The following PKHD1 variants were observed in gnomAD, a reference collection of about 807,000 sequenced individuals.
The protein encoded by PKHD1 is fibrocystin.
A neutral mutation model predicts 412.0 loss-of-function variants in PKHD1; 291 were observed. The ratio of observed to expected loss-of-function variants is 0.71; its 90% confidence interval spans 0.64 to 0.78. PKHD1 has a LOEUF of 0.78. Among genes scored for constraint, PKHD1 ranks in the 30% least tolerant of loss-of-function variants. The pLI is 0.00. For missense variants in PKHD1, 4,825 were observed against 4,950.7 expected, an observed-to-expected ratio of 0.97 and a Z score of 0.76; for synonymous variants, 1,777 against 1,821.5, an observed-to-expected ratio of 0.98 and a Z score of 0.62.
At chr6:51,860,096 T>C (rs1370930675) in intron 48 of PKHD1, among the ~76,000 whole-genome samples, 3 of 152,242 alleles carry the variant, frequency 2.0e-5, no homozygotes, top group African/African-American at 7.2e-5. Flanking sequence ...TAGGCACTCA[T>C]GTGCAGCACC....
At chr6:51,912,606 A>C (rs1394707091) in intron 37 of PKHD1, 30 bp from the exon 38 acceptor site, 1 of 1,419,192 alleles carries the variant, frequency 7.0e-7, no homozygotes. Flanking sequence ...AGTTGTCCAG[A>C]TAATTTAATC....
intron 52 of PKHD1, among the ~76,000 whole-genome samples, chr6:51,806,669 G>T (rs975755521): frequency 3.3e-5 from 5 of 150,500 alleles, no homozygotes; most frequent in African/African-American, 1.2e-4. Context: ...AGAATGAGAA[G>T]AATCGTTATC....
chr6:51,825,793 A>G (rs928876544), intron 52 of PKHD1, among the ~76,000 whole-genome samples: 1 of 152,188 alleles, frequency 6.6e-6, no homozygotes, highest in Non-Finnish European at 1.5e-5. Flanking sequence ...TTCTGATGCC[A>G]CACATTACAA....
At chr6:51,918,762 A>G (rs1248846773) in intron 37 of PKHD1, among the ~76,000 whole-genome samples, 5 of 152,166 alleles carry the variant, frequency 3.3e-5, no homozygotes, top group Non-Finnish European at 5.9e-5. Context: ...TCCTTGAGGA[A>G]TCACCACACT....
chr6:52,065,166 T>TAGAGAGAG (rs1244491200), intron 12 of PKHD1, 116 bp from the exon 13 acceptor site: 542 of 49,896 alleles, frequency 0.011, 4 homozygotes, highest in Non-Finnish European at 0.015. Flanking sequence ...TATATATATA[T>TAGAGAGAG]ATAGAGAGAG....
intron 43 of PKHD1, among the ~76,000 whole-genome samples, chr6:51,897,576 C>A (rs1562563317): frequency 7.0e-6 from 1 of 143,520 alleles, no homozygotes; most frequent in Non-Finnish European, 1.5e-5. Context: ...AATGTAAAGA[C>A]CATTGAGACT....
rs192502218 is a variant in PKHD1 at position 51,865,562 on chromosome 6, G to A, written c.7733+2301C>T. ...TTGGTTCTTAGCAGAACAGGAAGAG[G>A]ATGTCTTGTTTATGCAGCTATGTAA... On this transcript the variant is annotated intron_variant, in intron 48 of 66. Coordinates refer to ENST00000371117, the MANE Select transcript of PKHD1 (RefSeq NM_138694.4). Among the ~76,000 whole-genome samples the A allele has an allele frequency of 1.5e-3, 222 of 152,246 alleles. 1 individual carries two copies. Among genetic ancestry groups the A allele is most frequent in the East Asian group, 3.9e-3 (20 of 5,182 alleles).
chr6:51,632,950 A>G lies in PKHD1; in HGVS notation c.11507-227T>C, dbSNP rs1257531388. On this transcript the variant is annotated intron_variant, in intron 64 of 66. Coordinates refer to ENST00000371117, the MANE Select transcript of PKHD1 (RefSeq NM_138694.4). The stretch of plus-strand genomic sequence containing the variant: ...ATAATAGTTATTTCCAATTCTGTCA[A>G]TTATTGATTGAGAATTCTTCCAATT... Among the ~76,000 whole-genome samples the G allele has an allele frequency of 2.6e-5, 4 of 152,098 alleles. No homozygotes were observed. In the East Asian group the frequency reaches 7.7e-4, roughly 29 times the overall value.
intron 5 of PKHD1, among the ~76,000 whole-genome samples, chr6:52,078,099 G>A (rs1811571615): frequency 6.6e-6 from 1 of 152,060 alleles, no homozygotes; most frequent in Non-Finnish European, 1.5e-5. Context: ...CCTTCTACCA[G>A]ACTTCCATGG....
intron 60 of PKHD1, among the ~76,000 whole-genome samples, chr6:51,733,839 G>A (rs9474062): frequency 0.19 from 28,314 of 152,124 alleles, 2,955 homozygotes; most frequent in African/African-American, 0.28. Flanking sequence ...AGAAGGAAGA[G>A]CCTAACAATA....
rs116585256 is a variant in PKHD1 at position 51,873,375 on chromosome 6, G to A, written c.7351-2736C>T. Among the ~76,000 whole-genome samples the A allele has an allele frequency of 2.2e-3, 342 of 152,304 alleles. 2 individuals carry two copies. Among genetic ancestry groups the A allele is most frequent in the African/African-American group, 7.7e-3 (318 of 41,562 alleles). ...TGCTTGCCCTTTGGCTAGGGCGTGC[G>A]GAGTGGGGTTGAATGGGGGGACAAG... On this transcript the variant is annotated intron_variant, in intron 46 of 66. Coordinates refer to ENST00000371117, the MANE Select transcript of PKHD1 (RefSeq NM_138694.4).
chr6:51,758,420 C>T (rs1461295852), intron 55 of PKHD1, among the ~76,000 whole-genome samples: 1 of 152,142 alleles, frequency 6.6e-6, no homozygotes, highest in Non-Finnish European at 1.5e-5. Context: ...CCAACATCCA[C>T]TATTCCTAGT....
Position 51,906,287 on chromosome 6 carries a change from T to G in PKHD1, c.6736A>C (p.Met2246Leu). The G allele has an allele frequency of 1.2e-6, 2 of 1,609,140 alleles. No individual in the cohort carries two copies. Among genetic ancestry groups the G allele is most frequent in the Middle Eastern group, 1.7e-4 (1 of 6,054 alleles). ...VRNSFSRGLS[M>L]CGTLGLKVDS... ...ACCTTCAGGCCCAAGGTCCCGCACA[T>G]GCTGAGGCCTCTACTGAAGGAGTTC... Residue 2246 changes from methionine to leucine, a missense_variant, in exon 41 of 67, where the codon ATG (methionine) becomes CTG (leucine). Physicochemically the swap from Met to Leu is conservative, Grantham distance 15. Coordinates refer to ENST00000371117, the MANE Select transcript of PKHD1 (RefSeq NM_138694.4).
Position 52,062,563 on chromosome 6 carries a change from G to A in PKHD1, c.1074C>T (p.Ala358=), listed in dbSNP as rs1376639779. 1 of 1,614,148 alleles carries A rather than the reference G, an allele frequency of 6.2e-7. No homozygotes were observed. The highest frequency in any genetic ancestry group is 1.3e-5 in the African/African-American group (1 of 75,058). ...PGYRWQIVPN[A]SSPFGFWSQE... is the part of the protein sequence containing the mutation. ...GTGACCAAAACCCAAATGGAGAACT[G>A]GCATTAGGGACAATCTGCCACCTGT... Residue 358 remains alanine, a synonymous_variant, in exon 14 of 67, where the codon GCC becomes GCT. Coordinates refer to ENST00000371117, the MANE Select transcript of PKHD1 (RefSeq NM_138694.4).
intron 52 of PKHD1, among the ~76,000 whole-genome samples, chr6:51,802,144 A>G (rs898123356): frequency 6.6e-6 from 1 of 152,102 alleles, no homozygotes; most frequent in Non-Finnish European, 1.5e-5. Context: ...TGTTCTCTTC[A>G]TCAGACTTCA....
chr6:51,744,931 A>C (rs569823186), intron 59 of PKHD1, among the ~76,000 whole-genome samples: 92 of 152,266 alleles, frequency 6.0e-4, no homozygotes, highest in African/African-American at 2.1e-3. Context: ...TATGCAAAGA[A>C]AAATAGATAT....
At chr6:51,925,087 G>A (rs1371700429) in intron 37 of PKHD1, among the ~76,000 whole-genome samples, 3 of 152,180 alleles carry the variant, frequency 2.0e-5, no homozygotes, top group Non-Finnish European at 2.9e-5. Context: ...TCCACTTCAA[G>A]AGCCCAGGCT....
At chr6:52,011,354 A>G (rs1227251820) in intron 34 of PKHD1, among the ~76,000 whole-genome samples, 1 of 152,234 alleles carries the variant, frequency 6.6e-6, no homozygotes, top group Non-Finnish European at 1.5e-5. Context: ...GATGTTTCAT[A>G]TTTGTCAACA....
At chr6:51,943,907 C>T (rs1789006617) in intron 36 of PKHD1, among the ~76,000 whole-genome samples, 1 of 151,316 alleles carries the variant, frequency 6.6e-6, no homozygotes, top group Non-Finnish European at 1.5e-5. Context: ...TCCATACCAC[C>T]CCCAAAAATT....
Sources: allele counts gnomAD v4.1 joint callset (sites outside exome capture counted in the v4.1 genomes callset), GRCh38; gene constraint gnomAD v4.1.1; transcripts MANE v1.5; gene names NCBI Gene and HGNC (gene_info 2026-07-23, HGNC 2026-07-21).